The following MPP7 variants were observed in gnomAD, a reference collection of about 807,000 sequenced individuals.
MPP7 encodes MAGUK p55 scaffold protein 7.
In MPP7, 60 loss-of-function variants were observed where a neutral mutation model predicts 76.5. That is an observed-to-expected ratio of 0.78 (90% CI 0.64 to 0.97). The LOEUF is 0.97. Among genes scored for constraint, MPP7 ranks in the 50% least tolerant of loss-of-function variants. The pLI, the probability that MPP7 is intolerant of heterozygous loss-of-function variation, is 0.00. For missense variants in MPP7, 641 were observed against 694.0 expected (o/e 0.92, Z 0.86); for synonymous variants, 237 against 244.5 (o/e 0.97, Z 0.29).
At chr10:28,223,713 T>C (rs1211960609) in intron 2 of MPP7, among the ~76,000 whole-genome samples, 1 of 152,012 alleles carries the variant, frequency 6.6e-6, no homozygotes, top group Non-Finnish European at 1.5e-5. Context: ...GCTCCCAATC[T>C]TCTGAGTATT....
intron 2 of MPP7, among the ~76,000 whole-genome samples, chr10:28,205,213 T>G (rs905682227): frequency 6.6e-6 from 1 of 152,162 alleles, no homozygotes; most frequent in Non-Finnish European, 1.5e-5. Flanking sequence ...GCCAGAGCCG[T>G]GTGCAGTCTC....
chr10:28,142,718 G>A (rs540839945), intron 5 of MPP7, among the ~76,000 whole-genome samples: 7 of 152,232 alleles, frequency 4.6e-5, no homozygotes, highest in South Asian at 2.1e-4. Context: ...GTGACAGAGC[G>A]AGACTCTGTC....
chr10:28,247,518 C>G (rs7072480), intron 1 of MPP7, among the ~76,000 whole-genome samples: 42,664 of 151,950 alleles, frequency 0.28, 6,752 homozygotes, highest in East Asian at 0.54. Flanking sequence ...CCAAAGCATT[C>G]ATTATATATA....
At chr10:28,184,294 A>G (rs1190291637) in intron 3 of MPP7, among the ~76,000 whole-genome samples, 3 of 148,332 alleles carry the variant, frequency 2.0e-5, no homozygotes, top group African/African-American at 7.3e-5. Flanking sequence ...TATCTTACAT[A>G]TAAAAATATA....
At chr10:28,266,649 T>C (rs942070923) in intron 1 of MPP7, among the ~76,000 whole-genome samples, 1 of 152,176 alleles carries the variant, frequency 6.6e-6, no homozygotes, top group Non-Finnish European at 1.5e-5. Flanking sequence ...CTGGTTTCCT[T>C]ATCTCCTTCC....
chr10:28,330,336 TG>T (rs1465243139), intron 1 of MPP7, among the ~76,000 whole-genome samples: 3 of 152,156 alleles, frequency 2.0e-5, no homozygotes, highest in African/African-American at 7.2e-5. Context: ...GCCCAGGAGT[TG>T]GGAAGAGAAG....
Position 28,320,914 on chromosome 10 carries a change from G to GT in MPP7, c.-132+9014dup, listed in dbSNP as rs372801107. On this transcript the variant is annotated intron_variant, in intron 2 of 11. Transcript: ENST00000441595. ...CCTGACGAGGTTCATCTTCTTAACT[G>GT]TAACAGTGAGGCAATTCAGGGGCAG... Among the ~76,000 whole-genome samples, 230 of 151,624 alleles carry GT rather than the reference G, an allele frequency of 1.5e-3. 1 individual carries two copies. The highest frequency in any genetic ancestry group is 5.4e-3 in the African/African-American group (223 of 41,210).
At chr10:28,296,458 T>C (rs1841037443) in intron 1 of MPP7, among the ~76,000 whole-genome samples, 1 of 152,362 alleles carries the variant, frequency 6.6e-6, no homozygotes, top group South Asian at 2.1e-4. Flanking sequence ...ATTCCTATCC[T>C]GCATTTTCAA....
At chr10:28,201,219 T>C (rs1039862086) in intron 3 of MPP7, among the ~76,000 whole-genome samples, 1 of 152,188 alleles carries the variant, frequency 6.6e-6, no homozygotes, top group African/African-American at 2.4e-5. Context: ...AGTACACAAA[T>C]TTCAGTAAAT....
intron 2 of MPP7, among the ~76,000 whole-genome samples, chr10:28,322,577 G>T (rs564491973): frequency 4.6e-5 from 7 of 152,092 alleles, no homozygotes; most frequent in Non-Finnish European, 8.8e-5. Context: ...TCTCTTCGCC[G>T]CTGTCTCTTT....
At chr10:28,160,520 A>G (rs895069358) in intron 3 of MPP7, among the ~76,000 whole-genome samples, 1 of 152,178 alleles carries the variant, frequency 6.6e-6, no homozygotes, top group African/African-American at 2.4e-5. Flanking sequence ...AAACAACATC[A>G]TAATATTATC....
chr10:28,210,358 G>T (rs2134016265), intron 2 of MPP7, among the ~76,000 whole-genome samples: 2 of 152,298 alleles, frequency 1.3e-5, no homozygotes, highest in South Asian at 4.1e-4. Flanking sequence ...CTGTCTCCAT[G>T]TGTGTACGTA....
At position 28,142,863 on chromosome 10, in the gene MPP7, C is replaced by T. The variant is rs1835567281; in HGVS notation, c.315+4620G>A. Among the ~76,000 whole-genome samples the T allele has an allele frequency of 2.6e-5, 4 of 152,176 alleles. No individual in the cohort carries two copies. In the South Asian group the frequency reaches 8.3e-4, roughly 32 times the overall value. Reference sequence around the variant, plus strand: ...CGAGAAGGTCTGTCTTAACAACAAGCTGGAAACAATGATCAAAACTGTAAA... The same window carrying T: ...CGAGAAGGTCTGTCTTAACAACAAGTTGGAAACAATGATCAAAACTGTAAA... On this transcript the variant is annotated intron_variant, in intron 5 of 16. Transcript: ENST00000683449.
intron 2 of MPP7, among the ~76,000 whole-genome samples, chr10:28,326,701 C>T (rs577333209): frequency 1.3e-5 from 2 of 152,326 alleles, no homozygotes; most frequent in African/African-American, 4.8e-5. Context: ...CGTAGTTTTA[C>T]TGTGACAAGG....
rs529716610 is a variant in MPP7 at position 28,256,928 on chromosome 10, T to C, written c.-131-18193A>G. Among the ~76,000 whole-genome samples, 3 of 152,240 alleles carry C rather than the reference T, an allele frequency of 2.0e-5. No individual in the cohort carries two copies. The East Asian group carries it at 5.8e-4, about 29-fold the overall frequency. On this transcript the variant is annotated intron_variant, in intron 1 of 16. Transcript: ENST00000683449. ...AGATGCTCATTCAATGTATGCCGAG[T>C]GAGTAAATGAAGAGACAAATTCCTA...
chr10:28,223,716 T>A (rs1265303650), intron 2 of MPP7, among the ~76,000 whole-genome samples: 1 of 152,050 alleles, frequency 6.6e-6, no homozygotes, highest in Non-Finnish European at 1.5e-5. Context: ...CCCAATCTTC[T>A]GAGTATTTCT....
chr10:28,195,855 T>C (rs1032215402), intron 3 of MPP7, among the ~76,000 whole-genome samples: 7 of 152,214 alleles, frequency 4.6e-5, no homozygotes, highest in Non-Finnish European at 7.3e-5. Context: ...ATAAATAAAA[T>C]TGATTTTGGC....
intron 11 of MPP7, among the ~76,000 whole-genome samples, chr10:28,102,146 A>G (rs1853855209): frequency 6.6e-6 from 1 of 152,032 alleles, no homozygotes; most frequent in African/African-American, 2.4e-5. Context: ...TGTTATTATT[A>G]CAATTTAATT....
At chr10:28,260,827 A>T (rs1353579894) in intron 1 of MPP7, among the ~76,000 whole-genome samples, 2 of 151,884 alleles carry the variant, frequency 1.3e-5, no homozygotes, top group East Asian at 3.8e-4. Flanking sequence ...TTCTGGCACA[A>T]TTTAAAGTGA....
Sources: gnomAD v4.1 joint callset for allele counts (sites outside exome capture counted in the v4.1 genomes callset) on GRCh38, gnomAD v4.1.1 for gene constraint, MANE v1.5 for transcripts, NCBI Gene and HGNC (gene_info 2026-07-23, HGNC 2026-07-21) for gene names.